The following CDK18 variants were observed in gnomAD, a reference collection of about 807,000 sequenced individuals.
The protein encoded by CDK18 is cyclin dependent kinase 18.
CDK18 carries 52 observed loss-of-function variants against 62.0 expected under a neutral mutation model. The observed-to-expected ratio is 0.84, with a 90% confidence interval of 0.67 to 1.06. The LOEUF (loss-of-function observed/expected upper bound fraction) is 1.06, where lower values mean the gene tolerates loss of function less well. Ranked by LOEUF, CDK18 falls within the 50% of genes least tolerant of loss-of-function variation. The pLI is 0.00. For missense variants in CDK18, 604 were observed against 619.9 expected, an observed-to-expected ratio of 0.97 and a Z score of 0.27; for synonymous variants, 237 against 247.0, an observed-to-expected ratio of 0.96 and a Z score of 0.38.
chr1:205,530,737 C>A, intron 15 of CDK18, 32 bp downstream of exon 15: 2 of 1,587,098 alleles, frequency 1.3e-6, no homozygotes, highest in Non-Finnish European at 1.7e-6. Flanking sequence ...GACCCCTCCC[C>A]TTGTTAGTGG....
Position 205,513,701 on chromosome 1 carries a change from T to C in CDK18, c.-22+8905T>C, listed in dbSNP as rs968026550. Among the ~76,000 whole-genome samples, 5 of 152,230 alleles carry C rather than the reference T, an allele frequency of 3.3e-5. No homozygotes were observed. In the East Asian group the frequency reaches 9.7e-4, roughly 29 times the overall value. The stretch of plus-strand genomic sequence containing the variant: ...GGCTCTGAGAATCTTCCCTGAGTGA[T>C]AGAGCCAGGAAGAGGGCCACAAGCC... On this transcript the variant is annotated intron_variant, in intron 1 of 15. Coordinates refer to ENST00000429964, the MANE Select transcript of CDK18 (RefSeq NM_212502.3).
At chr1:205,526,569 C>T (rs1668442033) in intron 7 of CDK18, 108 bp downstream of exon 7, 2 of 986,478 alleles carry the variant, frequency 2.0e-6, no homozygotes, top group African/African-American at 1.6e-5. Context: ...GAGGGCGACC[C>T]AGGCCTTGTT....
In CDK18 at chr1:205,526,294, C is replaced by T. The variant is rs533597634; in HGVS notation, c.572-73C>T. 146 of 1,476,424 alleles carry T rather than the reference C, an allele frequency of 9.9e-5. 1 individual carries two copies. The highest frequency in any genetic ancestry group is 3.9e-4 in the South Asian group (34 of 88,216). 91.5% of individuals were successfully genotyped at this position (1,476,424 alleles called of 1,614,324 possible). Reference sequence around the variant, plus strand: ...ATCATTGCTGGAATGGGACTCCTGGCGCTGACCCCAAGAAAAGAGGGTATG... The same window carrying T: ...ATCATTGCTGGAATGGGACTCCTGGTGCTGACCCCAAGAAAAGAGGGTATG... On this transcript the variant is annotated intron_variant, in intron 6 of 15. Transcript: ENST00000429964.
At chr1:205,521,147 C>A (rs1259648194) in intron 1 of CDK18, among the ~76,000 whole-genome samples, 1 of 152,200 alleles carries the variant, frequency 6.6e-6, no homozygotes, top group African/African-American at 2.4e-5. Flanking sequence ...TGGGGACCAC[C>A]CTTTACTTGC....
At chr1:205,522,911 G>A (rs909850717) in intron 1 of CDK18, 20 of 500,766 alleles carry the variant, frequency 4.0e-5, no homozygotes, top group Middle Eastern at 5.5e-4. Context: ...CGGGGCGGGC[G>A]GTGGGCAGTG....
chr1:205,505,665 G>T (rs371624257), intron 1 of CDK18, among the ~76,000 whole-genome samples: 1 of 152,268 alleles, frequency 6.6e-6, no homozygotes, highest in East Asian at 1.9e-4. Context: ...TCGCCCTGTG[G>T]GGGGCGGGGA....
intron 14 of CDK18, 76 bp from the exon 15 acceptor site, chr1:205,530,552 T>A: frequency 7.3e-7 from 1 of 1,365,892 alleles, no homozygotes; most frequent in Non-Finnish European, 1.0e-6. Flanking sequence ...AGGGCTCAGT[T>A]GGTCCTTCTG....
At position 205,526,402 on chromosome 1, in the gene CDK18, G is replaced by T. The variant is rs755946514; in HGVS notation, c.607G>T (p.Val203Leu). Residue 203 changes from valine to leucine, a missense_variant, in exon 7 of 16, where the codon GTG (valine) becomes TTG (leucine). Transcript: ENST00000429964. ...GAAGAACCTGAAGCACGCCAATATTGTGACCCTGCATGACCTCATCCACAC... is the reference window on the plus strand; with the variant it reads ...GAAGAACCTGAAGCACGCCAATATTTTGACCCTGCATGACCTCATCCACAC... Reference protein sequence around the residue: ...LLKNLKHANIVTLHDLIHTDR... With the variant: ...LLKNLKHANILTLHDLIHTDR... 7.4e-6 allele frequency: 12 copies of T among 1,614,182 alleles called. No homozygotes were observed. The highest frequency in any genetic ancestry group is 2.2e-5 in the South Asian group (2 of 91,078).
In CDK18 at chr1:205,529,509, T is replaced by G; in HGVS notation, c.1179-12T>G. ...ATCAGGCACAGCCTGTGTCCGCGCC[T>G]TCTCCTTGCAGGTTGGATACGGATG... On this transcript the variant is annotated splice_polypyrimidine_tract_variant and intron_variant, in intron 12 of 15. Transcript: ENST00000429964. The G allele has an allele frequency of 6.2e-7, 1 of 1,610,204 alleles. No homozygotes were observed. The highest frequency in any genetic ancestry group is 8.5e-7 in the Non-Finnish European group (1 of 1,177,496).
At position 205,517,904 on chromosome 1, in the gene CDK18, C is replaced by T. The variant is rs566584559; in HGVS notation, c.-21-5243C>T. On this transcript the variant is annotated intron_variant, in intron 1 of 15. Transcript: ENST00000429964. This position sits in a 1 kb window ranked among gnomAD's most constrained non-coding sequence, Gnocchi z 4.1. ...CCTCAGTGTGATCATGTCACTCATC[C>T]GTTCAAACCCTCCTTACCCCTCGAG... 2.0e-5 allele frequency among the ~76,000 whole-genome samples: 3 copies of T among 152,242 alleles called. No individual in the cohort carries two copies. The highest frequency in any genetic ancestry group is 7.2e-5 in the African/African-American group (3 of 41,528).
chr1:205,515,438 C>A (rs7537260), intron 1 of CDK18, among the ~76,000 whole-genome samples: 96,102 of 151,916 alleles, frequency 0.63, 30,643 homozygotes, highest in East Asian at 0.88. Context: ...TGACCTCCCA[C>A]AGTGCTGGGA....
At chr1:205,530,804 G>A (rs1403263451) in intron 15 of CDK18, 99 bp downstream of exon 15, 5 of 946,050 alleles carry the variant, frequency 5.3e-6, no homozygotes, top group Non-Finnish European at 6.8e-6. Flanking sequence ...CCCACCACTG[G>A]CTTCCCTTTG....
intron 3 of CDK18, among the ~76,000 whole-genome samples, 158 bp from the exon 4 acceptor site, chr1:205,524,074 A>G (rs569756984): frequency 6.6e-6 from 1 of 152,282 alleles, no homozygotes; most frequent in African/African-American, 2.4e-5. Context: ...TTGAGCACAC[A>G]CTGGGAGCAG....
rs772744995 is a variant in CDK18 at position 205,529,001 on chromosome 1, G to C, written c.977G>C (p.Gly326Ala). 1 of 1,579,212 alleles carries C rather than the reference G, an allele frequency of 6.3e-7. No homozygotes were observed. Among genetic ancestry groups the C allele is most frequent in the South Asian group, 1.2e-5 (1 of 86,130 alleles). ...ACCCTACCCCTTGCTCCTCGCAGGG[G>C]CGTGGGCTGCATCCACTACGAGATG... ...TEYSTPIDMW[G>A]VGCIHYEMAT... The change falls in exon 11 of 16, where the codon GGC becomes GCC. Residue 326 changes from glycine (G) to alanine (A), a missense_variant and splice_region_variant. Gly to Ala is a moderately conservative substitution (Grantham distance 60). Coordinates refer to ENST00000429964, the MANE Select transcript of CDK18 (RefSeq NM_212502.3).
In CDK18 at chr1:205,530,277, ATGTC is replaced by A. The variant is rs1452731216; in HGVS notation, c.1241_1244del (p.Met414LysfsTer6). 6.2e-7 allele frequency: 1 copy of A among 1,613,054 alleles called. No homozygotes were observed. The highest frequency in any genetic ancestry group is 1.7e-5 in the Admixed American group (1 of 60,024). On this transcript the variant is annotated frameshift_variant, in exon 14 of 16. Transcript: ENST00000429964. LOFTEE classifies it high-confidence loss of function. ...CTTTCAGTATGAATCCAAGAGTCGC[ATGTC>A]AGCAGAGGCTGCCCTGAGTCACTCC...
Position 205,523,593 on chromosome 1 carries a change from C to A in CDK18, c.241C>A (p.Arg81=). 6.3e-7 allele frequency: 1 copy of A among 1,585,474 alleles called. No homozygotes were observed. The highest frequency in any genetic ancestry group is 8.6e-7 in the Non-Finnish European group (1 of 1,166,162). ...GQLSPGVQFQ[R]RQNQRRFSME... is the part of the protein sequence containing the mutation. ...GCTCTCCCCTGGCGTGCAGTTCCAG[C>A]GGCGGCAGAACCAGCGCCGCTTCTC... Residue 81 remains arginine (R), a synonymous_variant, in exon 3 of 16, where the codon CGG becomes AGG. Transcript: ENST00000429964.
chr1:205,505,819 G>C (rs1287802995), intron 1 of CDK18, among the ~76,000 whole-genome samples: 1 of 152,100 alleles, frequency 6.6e-6, no homozygotes, highest in Non-Finnish European at 1.5e-5. Flanking sequence ...CCCGGCAGTC[G>C]GGGTGGGAGG....
intron 1 of CDK18, among the ~76,000 whole-genome samples, chr1:205,519,119 C>T (rs953862057): frequency 6.6e-6 from 1 of 152,206 alleles, no homozygotes; most frequent in African/African-American, 2.4e-5. Context: ...TGGCCCCGGG[C>T]TGGCCTCAGG....
chr1:205,508,324 G>A (rs1667409071), intron 1 of CDK18, among the ~76,000 whole-genome samples: 1 of 152,222 alleles, frequency 6.6e-6, no homozygotes, highest in Non-Finnish European at 1.5e-5. Flanking sequence ...GGCTCCCACA[G>A]CTGCTTACAC....
Sources: allele counts gnomAD v4.1 joint callset (sites outside exome capture counted in the v4.1 genomes callset), GRCh38; gene constraint gnomAD v4.1.1; non-coding constraint Gnocchi (gnomAD v3.1); transcripts MANE v1.5; gene names NCBI Gene and HGNC (gene_info 2026-07-23, HGNC 2026-07-21).